Variants in MYH14 observed in about 807,000 individuals in gnomAD.
The protein encoded by MYH14 is myosin heavy chain 14.
Under a neutral mutation model 255.5 loss-of-function variants are expected in MYH14, and 123 were observed. The ratio of observed to expected loss-of-function variants is 0.48; its 90% CI spans 0.42 to 0.56. The LOEUF (loss-of-function observed/expected upper bound fraction) is 0.56, where lower values mean the gene tolerates loss of function less well. MYH14 is among the 20% of genes least tolerant of loss of function. The pLI is 0.00. For synonymous variants in MYH14, 1,095 were observed against 1,161.2 expected, an observed-to-expected ratio of 0.94 and a Z score of 1.16; for missense variants, 2,423 against 2,802.3, an observed-to-expected ratio of 0.86 and a Z score of 3.06.
chr19:50,268,106 C>G, intron 23 of MYH14, 55 bp from the exon 24 acceptor site: 1 of 1,515,494 alleles, frequency 6.6e-7, no homozygotes, highest in Non-Finnish European at 8.8e-7. Context: ...GCACCCAGTG[C>G]AGGTTGCCCT....
chr19:50,236,212 A>G (rs1335974321), intron 10 of MYH14, among the ~76,000 whole-genome samples: 1 of 151,718 alleles, frequency 6.6e-6, no homozygotes, highest in Admixed American at 6.6e-5. Flanking sequence ...GTGCGCCTTT[A>G]CTCCCAGCTA....
intron 40 of MYH14, among the ~76,000 whole-genome samples, chr19:50,302,376 G>A (rs1451826812): frequency 6.6e-6 from 1 of 151,476 alleles, no homozygotes; most frequent in African/African-American, 2.4e-5. Flanking sequence ...GAAGGCAGGA[G>A]TTTGAGACCA....
intron 39 of MYH14, among the ~76,000 whole-genome samples, chr19:50,299,797 T>C (rs955591747): frequency 6.8e-6 from 1 of 147,000 alleles, no homozygotes; most frequent in African/African-American, 2.5e-5. Context: ...ATACAAAAAT[T>C]AGCCAGGTGT....
At position 50,276,854 on chromosome 19, in the gene MYH14, G is replaced by A. The variant is rs200272339; in HGVS notation, c.3778G>A (p.Gly1260Ser). 6.7e-5 allele frequency: 108 copies of A among 1,612,080 alleles called. No individual in the cohort carries two copies. Among genetic ancestry groups the A allele is most frequent in the Non-Finnish European group, 8.1e-5 (95 of 1,179,754 alleles). ...AAVQELRQRHGQALGELAEQL... is the reference protein window; with the variant it reads ...AAVQELRQRHSQALGELAEQL... Reference sequence around the variant, plus strand: ...AGTGCAGGAGCTGAGGCAGCGCCACGGCCAGGCCCTGGGGGAGCTGGCGGA... The same window carrying A: ...AGTGCAGGAGCTGAGGCAGCGCCACAGCCAGGCCCTGGGGGAGCTGGCGGA... The change falls in exon 29 of 43, where the codon GGC becomes AGC. Residue 1260 changes from glycine to serine, a missense_variant. Physicochemically the swap from Gly to Ser is moderately conservative, Grantham distance 56. Around this residue, in one of 3 missense-constraint regions of MYH14, gnomAD observed 1,513 missense variants for 1,674.8 expected, o/e 0.90. Transcript: ENST00000642316. This position sits in a 1 kb window ranked among gnomAD's most constrained non-coding sequence, Gnocchi z 4.3.
intron 40 of MYH14, among the ~76,000 whole-genome samples, chr19:50,303,514 G>A (rs146642739): frequency 1.8e-4 from 27 of 152,260 alleles, no homozygotes; most frequent in East Asian, 5.8e-4. Flanking sequence ...CACTCAGCCC[G>A]CTCAGATTCA....
intron 11 of MYH14, 134 bp from the exon 12 acceptor site, chr19:50,246,870 G>T (rs1036040086): frequency 7.9e-6 from 5 of 629,410 alleles, no homozygotes; most frequent in Non-Finnish European, 8.4e-6. Flanking sequence ...TTTGGGACTC[G>T]TAATGCCTCT....
chr19:50,295,107 C>T (rs565336072), intron 39 of MYH14, among the ~76,000 whole-genome samples: 184 of 151,034 alleles, frequency 1.2e-3, no homozygotes, highest in African/African-American at 4.2e-3. Flanking sequence ...GGGCAGATCA[C>T]GAGGTCAGGA....
rs2036497719 is a variant in MYH14 at position 50,301,975 on chromosome 19, A to G, written c.5678+106A>G. 6.6e-6 allele frequency: 6 copies of G among 907,982 alleles called. No homozygotes were observed. In the Admixed American group the frequency reaches 1.3e-4, roughly 19 times the overall value. 56.2% of individuals were successfully genotyped at this position (907,982 alleles called of 1,614,324 possible). ...CGTGGTTTAGAAACATCCAAAAGAC[A>G]TCATCATAGTAATGACTGCTGGCCT... On this transcript the variant is annotated intron_variant, in intron 40 of 42. Transcript: ENST00000642316.
chr19:50,237,173 G>A (rs1402083777), intron 10 of MYH14, among the ~76,000 whole-genome samples: 1 of 152,040 alleles, frequency 6.6e-6, no homozygotes, highest in East Asian at 1.9e-4. Flanking sequence ...TCTTATCATG[G>A]AAAATTTCAA....
intron 2 of MYH14, among the ~76,000 whole-genome samples, chr19:50,213,223 A>G (rs1430504523): frequency 6.6e-6 from 1 of 152,182 alleles, no homozygotes; most frequent in Non-Finnish European, 1.5e-5. Context: ...TGCTGGGATT[A>G]CAGGGGTGAG....
In MYH14 at chr19:50,257,358, C is replaced by A; in HGVS notation, c.2104C>A (p.Arg702Ser). The part of the protein sequence containing the change: ...SSLGDGPPGG[R>S]PRRGMFRTVG... Reference sequence around the variant, plus strand: ...CCTGGGCGACGGCCCACCAGGTGGCCGCCCCCGTCGGGGTATGTTCCGGAC... The same window carrying A: ...CCTGGGCGACGGCCCACCAGGTGGCAGCCCCCGTCGGGGTATGTTCCGGAC... Residue 702 changes from arginine (R) to serine (S), a missense_variant, in exon 18 of 43, where the codon CGC becomes AGC. By Grantham distance (110) the Arg-to-Ser change is moderately radical. Transcript: ENST00000642316. The A allele has an allele frequency of 6.2e-7, 1 of 1,608,450 alleles. No individual in the cohort carries two copies. The highest frequency in any genetic ancestry group is 1.1e-5 in the South Asian group (1 of 89,910).
At chr19:50,267,381 A>C (rs578060493) in intron 23 of MYH14, among the ~76,000 whole-genome samples, 27 of 152,208 alleles carry the variant, frequency 1.8e-4, no homozygotes, top group African/African-American at 6.5e-4. Context: ...CCAGTATTTC[A>C]GCTATCTTAA....
chr19:50,231,721 TA>T (rs59793441), intron 9 of MYH14, among the ~76,000 whole-genome samples: 3 of 112,440 alleles, frequency 2.7e-5, no homozygotes, highest in Admixed American at 1.7e-4. Context: ...TCTAAAAAAT[TA>T]AAAAAAAAAA....
chr19:50,264,055 C>CAAAAAAAAAAAAAAA (rs34015428), intron 22 of MYH14, among the ~76,000 whole-genome samples: 3 of 33,380 alleles, frequency 9.0e-5, no homozygotes, highest in Non-Finnish European at 9.8e-5. Flanking sequence ...AACTCTGTCT[C>CAAAAAAAAAAAAAAA]AAAAAAAAAA....
At chr19:50,297,739 A>T (rs2036327209) in intron 39 of MYH14, among the ~76,000 whole-genome samples, 1 of 151,158 alleles carries the variant, frequency 6.6e-6, no homozygotes, top group Non-Finnish European at 1.5e-5. Flanking sequence ...ATGTCAGGTG[A>T]TCCGCTGCCT....
intron 30 of MYH14, among the ~76,000 whole-genome samples, 176 bp downstream of exon 30, chr19:50,278,465 C>A (rs2035592131): frequency 6.6e-6 from 1 of 152,026 alleles, no homozygotes; most frequent in South Asian, 2.1e-4. Flanking sequence ...ACTTGGGAGG[C>A]CAAGGCAGGA....
At chr19:50,264,963 T>C (rs1285758976) in intron 22 of MYH14, among the ~76,000 whole-genome samples, 1 of 152,198 alleles carries the variant, frequency 6.6e-6, no homozygotes, top group African/African-American at 2.4e-5. Context: ...TAATTCTGAA[T>C]ACGATGTCTG....
chr19:50,258,860 A>C lies in MYH14; in HGVS notation c.2233-284A>C, dbSNP rs2445814. 185,377 of 327,266 alleles carry C rather than the reference A, an allele frequency of 0.57. 53,908 individuals are homozygous for C. Among genetic ancestry groups the C allele is most frequent in the East Asian group, 0.68 (13,425 of 19,802 alleles). The allele number at this position is 327,266 out of a possible 1,614,324, so 20.3% of individuals were successfully genotyped here. On this transcript the variant is annotated intron_variant, in intron 18 of 42. Transcript: ENST00000642316. Reference sequence around the variant, plus strand: ...TGCGTGCAAATTCAGCCCCACCCACATCCCTCCCTGCGGATCTTTTCTCCT... The same window carrying C: ...TGCGTGCAAATTCAGCCCCACCCACCTCCCTCCCTGCGGATCTTTTCTCCT...
chr19:50,252,745 G>A lies in MYH14; in HGVS notation c.1937G>A (p.Trp646Ter). ...ACAGACCGGCTGACGGCAGAGATCT[G>A]GAAAGACGGTGAGGACCCACTTCCC... ...QSTDRLTAEI[W>*]KDEHGGFQQF... is the part of the protein sequence containing the mutation. Residue 646 changes from tryptophan to a stop codon, truncating the protein, a stop_gained, in exon 16 of 43, where the codon TGG becomes TAG. Transcript: ENST00000642316. LOFTEE classifies it high-confidence loss of function. This position sits in a 1 kb window ranked among gnomAD's most constrained non-coding sequence, Gnocchi z 4.2. 1 of 1,584,788 alleles carries A rather than the reference G, an allele frequency of 6.3e-7. No homozygotes were observed. Among genetic ancestry groups the A allele is most frequent in the Non-Finnish European group, 8.6e-7 (1 of 1,165,918 alleles).
Sources: gnomAD v4.1 joint callset for allele counts (sites outside exome capture counted in the v4.1 genomes callset) on GRCh38, gnomAD v4.1.1 for gene constraint, gnomAD v4.1.1 regional missense constraint, Gnocchi (gnomAD v3.1) non-coding constraint, MANE v1.5 for transcripts, NCBI Gene and HGNC (gene_info 2026-07-23, HGNC 2026-07-21) for gene names.